MPP7: variants seen among roughly 807,000 people sequenced by gnomAD.
MPP7 encodes the protein MAGUK p55 subfamily member 7.
A neutral mutation model predicts 76.5 loss-of-function variants in MPP7; 60 were observed. The observed-to-expected ratio is 0.78, with a 90% CI of 0.64 to 0.97. The LOEUF (loss-of-function observed/expected upper bound fraction) is 0.97. Among genes scored for constraint, MPP7 ranks in the 50% least tolerant of loss-of-function variants. The pLI is 0.00. For synonymous variants in MPP7, 237 were observed against 244.5 expected (o/e 0.97, Z 0.29); for missense variants, 641 against 694.0 (o/e 0.92, Z 0.86).
Position 28,145,042 on chromosome 10 carries a change from T to C in MPP7, c.315+2441A>G, listed in dbSNP as rs149447814. Among the ~76,000 whole-genome samples the C allele has an allele frequency of 3.4e-3, 519 of 152,176 alleles. 1 individual carries two copies. The highest frequency in any genetic ancestry group is 0.011 in the African/African-American group (453 of 41,520). On this transcript the variant is annotated intron_variant, in intron 5 of 16. Transcript: ENST00000683449. Reference sequence around the variant, plus strand: ...AATTCTCCTGCCTCAGCCTCCCGAGTAGCTGGGATTACAGGCACACACCAC... The same window carrying C: ...AATTCTCCTGCCTCAGCCTCCCGAGCAGCTGGGATTACAGGCACACACCAC...
At chr10:28,335,170 C>T (rs765190863), upstream of MPP7, among the ~76,000 whole-genome samples, 9 of 152,236 alleles carry the variant, frequency 5.9e-5, no homozygotes, top group Non-Finnish European at 7.3e-5. Flanking sequence ...TGACATGACA[C>T]CTGCTTTCTC....
intron 6 of MPP7, among the ~76,000 whole-genome samples, chr10:28,126,969 G>A (rs1835036860): frequency 6.6e-6 from 1 of 152,234 alleles, no homozygotes; most frequent in East Asian, 1.9e-4. Context: ...GTAAATGAAG[G>A]AGCCCTCAGT....
At chr10:28,227,476 C>T (rs975099397) in intron 2 of MPP7, among the ~76,000 whole-genome samples, 5 of 151,828 alleles carry the variant, frequency 3.3e-5, no homozygotes, top group African/African-American at 1.2e-4. Flanking sequence ...CCACCCCCAA[C>T]CCCCGACAGG....
chr10:28,064,585 G>A (rs1851919923), intron 13 of MPP7, among the ~76,000 whole-genome samples: 2 of 152,180 alleles, frequency 1.3e-5, no homozygotes, highest in African/African-American at 4.8e-5. Flanking sequence ...AATATGTGCA[G>A]TTTATTCCAA....
At chr10:28,220,186 T>C (rs1218607222) in intron 2 of MPP7, among the ~76,000 whole-genome samples, 1 of 152,190 alleles carries the variant, frequency 6.6e-6, no homozygotes, top group Non-Finnish European at 1.5e-5. Flanking sequence ...ACATGCCATC[T>C]CTAAGCTTTA....
intron 13 of MPP7, among the ~76,000 whole-genome samples, chr10:28,061,543 G>A (rs982127927): frequency 6.6e-6 from 1 of 151,890 alleles, no homozygotes; most frequent in African/African-American, 2.4e-5. Flanking sequence ...TAGAACTCCA[G>A]GGACCTATGA....
chr10:28,134,249 T>C (rs553773041), intron 5 of MPP7, among the ~76,000 whole-genome samples: 3 of 152,320 alleles, frequency 2.0e-5, no homozygotes, highest in African/African-American at 7.2e-5. Context: ...GGTTGAAATG[T>C]TCATTTTTCT....
At chr10:28,171,162 T>C (rs7911950) in intron 3 of MPP7, among the ~76,000 whole-genome samples, 20,483 of 152,148 alleles carry the variant, frequency 0.13, 2,073 homozygotes, top group African/African-American at 0.28. Context: ...CAGACACACC[T>C]TCAGTCCATA....
intron 1 of MPP7, among the ~76,000 whole-genome samples, chr10:28,239,208 G>A (rs1309990921): frequency 2.0e-5 from 3 of 150,762 alleles, no homozygotes; most frequent in Non-Finnish European, 4.4e-5. Flanking sequence ...GCAATGGTGC[G>A]ATCTGGGCTC....
chr10:28,173,447 C>T (rs1169221847), intron 3 of MPP7, among the ~76,000 whole-genome samples: 1 of 152,096 alleles, frequency 6.6e-6, no homozygotes, highest in Non-Finnish European at 1.5e-5. Flanking sequence ...AAAGAATCTA[C>T]AGATAAAGGA....
chr10:28,253,723 C>T (rs532447903), intron 1 of MPP7, among the ~76,000 whole-genome samples: 3 of 152,022 alleles, frequency 2.0e-5, no homozygotes, highest in East Asian at 1.9e-4. Context: ...TGGCCAGGCA[C>T]GGTGGCTCAT....
intron 12 of MPP7, among the ~76,000 whole-genome samples, chr10:28,087,084 A>G (rs868379826): frequency 6.6e-6 from 1 of 152,188 alleles, no homozygotes; most frequent in African/African-American, 2.4e-5. Flanking sequence ...CAGATCCCTC[A>G]TGAATAGATT....
At chr10:28,215,518 G>A (rs1030781139) in intron 2 of MPP7, among the ~76,000 whole-genome samples, 1 of 152,136 alleles carries the variant, frequency 6.6e-6, no homozygotes, top group Non-Finnish European at 1.5e-5. Flanking sequence ...CAGCGTTCTC[G>A]AGGAAGCGAC....
At chr10:28,123,950 T>C (rs1445366461) in intron 8 of MPP7, 81 bp downstream of exon 8, 2 of 952,022 alleles carry the variant, frequency 2.1e-6, no homozygotes, top group African/African-American at 1.6e-5. Context: ...ATCCTGTCTA[T>C]GTCAAACCAA....
rs115872819 is a variant in MPP7, at chr10:28,211,427, T to A, written c.38-9156A>T. Among the ~76,000 whole-genome samples the A allele has an allele frequency of 6.4e-3, 941 of 146,986 alleles. 1 individual carries two copies. Among genetic ancestry groups the A allele is most frequent in the African/African-American group, 0.023 (900 of 39,196 alleles). ...TGCTTTGAGCAACTTCAAGTTGTCT[T>A]GCAGTATATTTTTTGCCATATATAT... On this transcript the variant is annotated intron_variant, in intron 2 of 16. Coordinates refer to ENST00000683449, the MANE Select transcript of MPP7 (RefSeq NM_001318170.2).
intron 1 of MPP7, among the ~76,000 whole-genome samples, chr10:28,332,607 C>T (rs1424320726): frequency 6.6e-6 from 1 of 152,102 alleles, no homozygotes; most frequent in African/African-American, 2.4e-5. Context: ...GTAGCACTTA[C>T]TCTCCAATAT....
intron 16 of MPP7, among the ~76,000 whole-genome samples, chr10:28,054,803 A>C (rs906407364): frequency 1.3e-5 from 2 of 151,978 alleles, no homozygotes; most frequent in Non-Finnish European, 2.9e-5. Context: ...CAGCCTCCCG[A>C]GTAGCTGGAA....
At chr10:28,280,617 A>C (rs1311403690) in intron 1 of MPP7, among the ~76,000 whole-genome samples, 1 of 152,108 alleles carries the variant, frequency 6.6e-6, no homozygotes, top group Non-Finnish European at 1.5e-5. Flanking sequence ...TAGGCATAAA[A>C]AAAATGGTGT....
intron 1 of MPP7, among the ~76,000 whole-genome samples, chr10:28,262,212 T>TATATATATATATATAC (rs1839987771): frequency 1.7e-5 from 1 of 57,544 alleles, no homozygotes; most frequent in African/African-American, 8.5e-5. Context: ...TATATACATA[T>TATATATATATATATAC]ATATATATAT....
Sources: gnomAD v4.1 joint callset for allele counts (sites outside exome capture counted in the v4.1 genomes callset) on GRCh38, gnomAD v4.1.1 for gene constraint, MANE v1.5 for transcripts, NCBI Gene and HGNC (gene_info 2026-07-23, HGNC 2026-07-21) for gene names.